CDHR3: variants seen among roughly 807,000 people sequenced by gnomAD.
The protein encoded by CDHR3 is cadherin-related family member 3.
A neutral mutation model predicts 86.6 loss-of-function variants in CDHR3; 79 were observed. That is an observed-to-expected ratio of 0.91 (90% CI 0.76 to 1.10). The LOEUF is 1.10. Among genes scored for constraint, CDHR3 ranks in the 50% least tolerant of loss-of-function variants. CDHR3 has a pLI of 0.00. For synonymous variants in CDHR3, 421 were observed against 402.4 expected (o/e 1.05, Z -0.55); for missense variants, 1,081 against 1,077.6 (o/e 1.00, Z -0.04).
At chr7:105,990,707 G>T (rs1831221426) in intron 4 of CDHR3, among the ~76,000 whole-genome samples, 1 of 136,894 alleles carries the variant, frequency 7.3e-6, no homozygotes, top group African/African-American at 2.9e-5. Context: ...ACAAGAAGCT[G>T]AATTCTTGTT....
At chr7:105,973,473 C>A (rs1024456590) in intron 1 of CDHR3, among the ~76,000 whole-genome samples, 6 of 152,132 alleles carry the variant, frequency 3.9e-5, no homozygotes, top group Admixed American at 3.9e-4. Flanking sequence ...CCATGCCTAC[C>A]TCCTAGCTTC....
intron 1 of CDHR3, among the ~76,000 whole-genome samples, chr7:105,965,181 G>C (rs557478970): frequency 1.6e-3 from 237 of 152,306 alleles, no homozygotes; most frequent in African/African-American, 5.5e-3. Context: ...TCTTTTGTGA[G>C]TCTGAGAACC....
In CDHR3 at chr7:106,024,519, C is replaced by G; in HGVS notation, c.2215C>G (p.His739Asp). The G allele has an allele frequency of 6.2e-7, 1 of 1,614,044 alleles. No individual in the cohort carries two copies. ...YLVVLLAKAI[H>D]RHCPCKTGKN... Reference sequence around the variant, plus strand: ...GGTCGTCCTATTGGCCAAAGCCATCCACAGACACTGCCCCTGCAAGACTGG... The same window carrying G: ...GGTCGTCCTATTGGCCAAAGCCATCGACAGACACTGCCCCTGCAAGACTGG... The change falls in exon 15 of 19, where the codon CAC (histidine) becomes GAC (aspartate). Residue 739 changes from histidine to aspartate, a missense_variant. By Grantham distance (81) the His-to-Asp change is moderately conservative (BLOSUM62 -1). Transcript: ENST00000317716.
chr7:105,993,678 A>C (rs13242620), intron 4 of CDHR3, among the ~76,000 whole-genome samples: 1 of 1,154 alleles, frequency 8.7e-4, no homozygotes, highest in Admixed American at 8.2e-3. Context: ...TCTGTCTCAC[A>C]AAAAAAAAAA....
chr7:106,025,359 C>G (rs1339299986), intron 15 of CDHR3, among the ~76,000 whole-genome samples: 1 of 152,152 alleles, frequency 6.6e-6, no homozygotes, highest in African/African-American at 2.4e-5. Flanking sequence ...AGCAAGTGAC[C>G]ACCTCTGTGA....
rs761409026 is a variant in CDHR3, at chr7:105,984,214, A to T, written c.438A>T (p.Glu146Asp). 1 of 1,609,524 alleles carries T rather than the reference A, an allele frequency of 6.2e-7. No individual in the cohort carries two copies. Among genetic ancestry groups the T allele is most frequent in the African/African-American group, 1.3e-5 (1 of 74,992 alleles). Residue 146 changes from glutamate (E) to aspartate (D), a missense_variant, in exon 4 of 19, where the codon GAA (glutamate) becomes GAT (aspartate). Coordinates refer to ENST00000317716, the MANE Select transcript of CDHR3 (RefSeq NM_152750.5). Reference protein sequence around the residue: ...LAEGLHLYIVERANPGFIYQV... With the variant: ...LAEGLHLYIVDRANPGFIYQV... ...TAGGTCTACACCTCTACATAGTAGA[A>T]AGAGCAAACCCTGGATTCATTTACC...
At chr7:106,017,800 C>G in intron 11 of CDHR3, 46 bp from the exon 12 acceptor site, 1 of 1,463,914 alleles carries the variant, frequency 6.8e-7, no homozygotes, top group Non-Finnish European at 9.4e-7. Flanking sequence ...TCATCCTTCT[C>G]TACCCCTTAA....
Position 106,015,136 on chromosome 7 carries a change from A to T in CDHR3, c.1250A>T (p.Asn417Ile). ...CTGATTGGTGATCTAGACTACGAAA[A>T]TCCAAGTAACCTAGCAGCCGGCAAT... ...IVLIGDLDYE[N>I]PSNLAAGNKY... Residue 417 changes from asparagine to isoleucine, a missense_variant, in exon 10 of 19, where the codon AAT becomes ATT. Transcript: ENST00000317716. 1 of 1,609,860 alleles carries T rather than the reference A, an allele frequency of 6.2e-7. No homozygotes were observed. The highest frequency in any genetic ancestry group is 8.5e-7 in the Non-Finnish European group (1 of 1,178,136).
Position 106,032,638 on chromosome 7 carries a change from A to C in CDHR3, c.2599A>C (p.Lys867Gln), listed in dbSNP as rs1838559872. The C allele has an allele frequency of 2.5e-6, 4 of 1,613,848 alleles. No homozygotes were observed. Among genetic ancestry groups the C allele is most frequent in the African/African-American group, 1.3e-5 (1 of 75,034 alleles). Residue 867 changes from lysine (K) to glutamine (Q), a missense_variant, in exon 19 of 19, where the codon AAG becomes CAG. Transcript: ENST00000317716. ...RNEGGKLGNP[K>Q]NRNPAFMNRA... ...TGAGGGTGGCAAGCTGGGCAACCCA[A>C]AGAACAGAAATCCAGCCTTCATGAA... is the stretch of plus-strand genomic sequence containing the variant.
chr7:105,977,090 T>G (rs1044194173), intron 2 of CDHR3, among the ~76,000 whole-genome samples: 1 of 151,620 alleles, frequency 6.6e-6, no homozygotes, highest in East Asian at 2.0e-4. Flanking sequence ...TAGCTGAGAC[T>G]ACAGGCACTG....
chr7:106,012,006 G>A (rs896192357), intron 8 of CDHR3, among the ~76,000 whole-genome samples: 1 of 152,174 alleles, frequency 6.6e-6, no homozygotes, highest in Non-Finnish European at 1.5e-5. Context: ...GGAAATGAGG[G>A]GTACAGGGAT....
chr7:105,983,904 C>A (rs1585577898), intron 3 of CDHR3, among the ~76,000 whole-genome samples: 1 of 152,290 alleles, frequency 6.6e-6, no homozygotes, highest in Middle Eastern at 3.4e-3. Flanking sequence ...CTATCACCTC[C>A]TTCTTCCCCC....
chr7:105,987,006 A>G (rs56083758), intron 4 of CDHR3, among the ~76,000 whole-genome samples: 39,746 of 152,190 alleles, frequency 0.26, 6,379 homozygotes, highest in Non-Finnish European at 0.36. Flanking sequence ...AAAAGTGGAA[A>G]GAATTTCAGT....
chr7:105,978,725 G>A (rs929294100), intron 2 of CDHR3, among the ~76,000 whole-genome samples: 3 of 152,128 alleles, frequency 2.0e-5, no homozygotes, highest in Non-Finnish European at 4.4e-5. Flanking sequence ...CAACAACAAC[G>A]AGAACAGTTT....
intron 17 of CDHR3, among the ~76,000 whole-genome samples, chr7:106,028,926 T>TTCTTTCTC (rs754712846): frequency 8.9e-4 from 95 of 106,270 alleles, no homozygotes; most frequent in Non-Finnish European, 1.7e-3. Flanking sequence ...TTTTCTTTCT[T>TTCTTTCTC]TCTTTCTTTC....
chr7:106,024,611 T>G, intron 15 of CDHR3, 49 bp downstream of exon 15: 1 of 1,562,752 alleles, frequency 6.4e-7, no homozygotes, highest in Non-Finnish European at 8.8e-7. Flanking sequence ...TTTAGGACAC[T>G]GTTTCTGGTG....
At chr7:105,974,559 G>A (rs1828499866) in intron 1 of CDHR3, among the ~76,000 whole-genome samples, 1 of 152,162 alleles carries the variant, frequency 6.6e-6, no homozygotes, top group Admixed American at 6.5e-5. Context: ...CCAAAGGCTG[G>A]GAGAAAAGAG....
In CDHR3 at chr7:105,975,023, TG is replaced by T; in HGVS notation, c.228del (p.Trp76CysfsTer17). The T allele has an allele frequency of 6.2e-7, 1 of 1,613,972 alleles. No homozygotes were observed. The highest frequency in any genetic ancestry group is 8.5e-7 in the Non-Finnish European group (1 of 1,179,838). ...CCTCACTGAAGCTTTTAGGGTGAAT[TG>T]GCTGTCAGGCACCTACTTTGAGGTA... ...NPLTEAFRVNWLSGTYFEVVT... is the reference protein window; with the variant it reads ...NPLTEAFRVNXLSGTYFEVVT... On this transcript the variant is annotated frameshift_variant, in exon 2 of 19. Transcript: ENST00000317716. LOFTEE classifies it high-confidence loss of function.
At chr7:105,990,041 C>G (rs1831126464) in intron 4 of CDHR3, among the ~76,000 whole-genome samples, 1 of 152,138 alleles carries the variant, frequency 6.6e-6, no homozygotes, top group Admixed American at 6.6e-5. Context: ...AATTCCCACT[C>G]CAAATATGTG....
Sources: gnomAD v4.1 joint callset for allele counts (sites outside exome capture counted in the v4.1 genomes callset) on GRCh38, gnomAD v4.1.1 for gene constraint, MANE v1.5 for transcripts, NCBI Gene and HGNC (gene_info 2026-07-23, HGNC 2026-07-21) for gene names.